NEBL: variants seen among roughly 807,000 people sequenced by gnomAD.
NEBL encodes the protein LIM and SH3 protein 2.
In NEBL, 122 loss-of-function variants were observed where a neutral mutation model predicts 140.2. The observed-to-expected ratio is 0.87, with a 90% CI of 0.75 to 1.01. The LOEUF is 1.01. NEBL is among the 50% of genes least tolerant of loss of function. The pLI is 0.00. For missense variants in NEBL, 1,365 were observed against 1,231.3 expected (o/e 1.11, Z -1.62); for synonymous variants, 436 against 398.9 (o/e 1.09, Z -1.11).
intron 4 of NEBL, among the ~76,000 whole-genome samples, chr10:20,937,911 C>G (rs568902877): frequency 6.6e-6 from 1 of 152,278 alleles, no homozygotes; most frequent in Non-Finnish European, 1.5e-5. Context: ...CGCCATTGCC[C>G]AGGCTTGAGT....
At chr10:20,962,302 T>C (rs188983014) in intron 3 of NEBL, among the ~76,000 whole-genome samples, 48 of 152,354 alleles carry the variant, frequency 3.2e-4, no homozygotes, top group East Asian at 1.5e-3. Context: ...CAGCTAGCCC[T>C]GTCCAAGAAG....
intron 2 of NEBL, among the ~76,000 whole-genome samples, chr10:21,161,003 G>C (rs568270252): frequency 6.6e-6 from 1 of 152,070 alleles, no homozygotes; most frequent in South Asian, 2.1e-4. Context: ...CATTATTCTT[G>C]TCATCATTTG....
rs771742788 is a variant in NEBL, at chr10:21,070,030, A to ACGGTGT, written c.165-49835_165-49830dup. ...AAATGAAGCATCTGATTTGCAGCAC[A>ACGGTGT]CGGTGTCACCTCCACACAAAGCCTC... On this transcript the variant is annotated intron_variant, in intron 2 of 6. Coordinates refer to the NEBL transcript ENST00000417816. 30 of 456,186 alleles carry ACGGTGT rather than the reference A, an allele frequency of 6.6e-5. 1 individual carries two copies. Among genetic ancestry groups the ACGGTGT allele is most frequent in the South Asian group, 4.6e-4 (30 of 64,544 alleles). 28.3% of individuals were successfully genotyped at this position (456,186 alleles called of 1,614,324 possible). A position where few individuals can be genotyped will look rare whatever the true frequency, so the allele number is the denominator to read the frequency against.
intron 3 of NEBL, among the ~76,000 whole-genome samples, chr10:21,220,810 A>T (rs187254497): frequency 6.6e-6 from 1 of 152,322 alleles, no homozygotes; most frequent in Non-Finnish European, 1.5e-5. Flanking sequence ...TATCAACAAA[A>T]CAAATAACCT....
At chr10:20,905,878 A>G (rs909111361) in intron 4 of NEBL, among the ~76,000 whole-genome samples, 1 of 152,152 alleles carries the variant, frequency 6.6e-6, no homozygotes, top group African/African-American at 2.4e-5. Flanking sequence ...TCCTAACACA[A>G]AAAGCTGAAG....
intron 3 of NEBL, among the ~76,000 whole-genome samples, chr10:20,967,504 T>G (rs1007872471): frequency 6.6e-6 from 1 of 152,142 alleles, no homozygotes; most frequent in African/African-American, 2.4e-5. Context: ...GGTACACCCC[T>G]GTAGTCCCAG....
At chr10:21,011,184 C>T (rs1361868553) in intron 3 of NEBL, among the ~76,000 whole-genome samples, 2 of 152,098 alleles carry the variant, frequency 1.3e-5, no homozygotes, top group Non-Finnish European at 2.9e-5. Flanking sequence ...TTAGGAGTGC[C>T]CAAAGTCACA....
intron 3 of NEBL, among the ~76,000 whole-genome samples, chr10:21,241,011 G>A (rs1010390198): frequency 6.6e-6 from 1 of 151,324 alleles, no homozygotes; most frequent in East Asian, 1.9e-4. Flanking sequence ...CCCCATTTTT[G>A]GGGCTTTCAC....
At chr10:21,279,407 C>T (rs1458261543) in intron 1 of NEBL, among the ~76,000 whole-genome samples, 1 of 151,466 alleles carries the variant, frequency 6.6e-6, no homozygotes, top group African/African-American at 2.4e-5. Flanking sequence ...GCAATCCTCC[C>T]GCCTCAGCCT....
intron 3 of NEBL, among the ~76,000 whole-genome samples, chr10:21,202,455 CT>C: frequency 8.0e-6 from 1 of 125,414 alleles, no homozygotes; most frequent in East Asian, 2.1e-4. Context: ...TTTTTCTTTT[CT>C]TTTTCTTTTT....
chr10:21,198,943 C>T (rs951669271), intron 3 of NEBL, among the ~76,000 whole-genome samples: 2 of 151,926 alleles, frequency 1.3e-5, no homozygotes, highest in African/African-American at 4.8e-5. Context: ...CAGGGATGGG[C>T]CTAAAAGAGA....
chr10:21,181,211 C>A (rs563062123), intron 3 of NEBL, among the ~76,000 whole-genome samples: 1 of 150,044 alleles, frequency 6.7e-6, no homozygotes, highest in South Asian at 2.1e-4. Flanking sequence ...TGCTGTAAGC[C>A]AAGATCGGGC....
chr10:21,076,474 A>AT (rs1836089595), intron 2 of NEBL, among the ~76,000 whole-genome samples: 1 of 133,278 alleles, frequency 7.5e-6, no homozygotes, highest in African/African-American at 3.1e-5. Flanking sequence ...AAAAAAAAAA[A>AT]GAATTACCAC....
chr10:20,956,269 G>T (rs1422845304), intron 4 of NEBL, among the ~76,000 whole-genome samples: 4 of 152,156 alleles, frequency 2.6e-5, no homozygotes. Context: ...TTGTTCAGAG[G>T]ATCTAATTAA....
intron 2 of NEBL, among the ~76,000 whole-genome samples, chr10:21,090,763 T>C (rs1189967414): frequency 6.6e-6 from 1 of 152,288 alleles, no homozygotes; most frequent in East Asian, 1.9e-4. Flanking sequence ...AGTTTCCTCC[T>C]GGCTCAGAAG....
At chr10:20,969,651 T>A (rs1836482389) in intron 3 of NEBL, among the ~76,000 whole-genome samples, 2 of 150,150 alleles carry the variant, frequency 1.3e-5, no homozygotes, top group African/African-American at 4.9e-5. Context: ...ATTCAAGCAA[T>A]TCTTGTGCCT....
chr10:21,027,660 G>A (rs1833570952), intron 2 of NEBL, among the ~76,000 whole-genome samples: 1 of 152,094 alleles, frequency 6.6e-6, no homozygotes, highest in Non-Finnish European at 1.5e-5. Context: ...AAAAGCAAAA[G>A]TTGTGACTTC....
At chr10:21,029,707 TA>T in intron 2 of NEBL, 1 of 933,392 alleles carries the variant, frequency 1.1e-6, no homozygotes, top group South Asian at 1.3e-5. Flanking sequence ...TGGCCGTGGG[TA>T]TTGGTATGAG....
At chr10:21,105,294 C>T (rs1246188455) in intron 2 of NEBL, among the ~76,000 whole-genome samples, 3 of 152,062 alleles carry the variant, frequency 2.0e-5, no homozygotes, top group Admixed American at 6.6e-5. Flanking sequence ...CCCATCAACT[C>T]GTCATTTACA....
Sources: allele counts gnomAD v4.1 joint callset (sites outside exome capture counted in the v4.1 genomes callset), GRCh38; gene constraint gnomAD v4.1.1; transcripts MANE v1.5; gene names NCBI Gene and HGNC (gene_info 2026-07-23, HGNC 2026-07-21).